ATP8A2: variants seen among roughly 807,000 people sequenced by gnomAD.
ATP8A2 encodes the protein ATPase phospholipid transporting 8A2.
Under a neutral mutation model 165.6 loss-of-function variants are expected in ATP8A2, and 100 were observed. The ratio of observed to expected loss-of-function variants is 0.60; its 90% confidence interval spans 0.51 to 0.71. The LOEUF is 0.71. Ranked by LOEUF, ATP8A2 falls within the 30% of genes least tolerant of loss-of-function variation. The pLI, the probability that ATP8A2 is intolerant of heterozygous loss-of-function variation, is 0.00. For synonymous variants in ATP8A2, 543 were observed against 548.8 expected (o/e 0.99, Z 0.15); for missense variants, 1,227 against 1,479.5 (o/e 0.83, Z 2.80).
chr13:25,731,294 G>C (rs558093937), intron 25 of ATP8A2, among the ~76,000 whole-genome samples: 2 of 136,566 alleles, frequency 1.5e-5, no homozygotes, highest in Non-Finnish European at 3.1e-5. Context: ...GAAAGAGAGA[G>C]AGAAAGAAAG....
At chr13:25,834,107 G>A (rs1412353360) in intron 28 of ATP8A2, among the ~76,000 whole-genome samples, 8 of 152,178 alleles carry the variant, frequency 5.3e-5, no homozygotes, top group Non-Finnish European at 1.2e-4. Flanking sequence ...CAAAAGACAT[G>A]AGTAGACATT....
chr13:25,423,641 C>A (rs182791462), intron 1 of ATP8A2, among the ~76,000 whole-genome samples: 47 of 152,296 alleles, frequency 3.1e-4, no homozygotes, highest in African/African-American at 1.1e-3. Flanking sequence ...GTTGTGCAAT[C>A]TAAAGGATGT....
intron 24 of ATP8A2, among the ~76,000 whole-genome samples, chr13:25,619,151 G>A (rs1460200212): frequency 2.0e-5 from 3 of 152,214 alleles, no homozygotes; most frequent in African/African-American, 7.2e-5. Context: ...AGCACCTTTT[G>A]TGGAGGCTTT....
intron 24 of ATP8A2, among the ~76,000 whole-genome samples, chr13:25,695,368 T>A (rs1015608646): frequency 1.3e-5 from 2 of 152,234 alleles, no homozygotes; most frequent in Non-Finnish European, 2.9e-5. Context: ...AAGGTGGTGG[T>A]TGCTGAAGGT....
In ATP8A2 at chr13:25,570,825, T is replaced by C; in HGVS notation, c.1532T>C (p.Val511Ala). The C allele has an allele frequency of 6.2e-7, 1 of 1,613,834 alleles. No individual in the cohort carries two copies. Among genetic ancestry groups the C allele is most frequent in the Non-Finnish European group, 8.5e-7 (1 of 1,179,752 alleles). ...CTTCTGGCCGTGTGCCACACGGTTG[T>C]TCCTGAGAAGGATGGAGATAACATC... ...LTLLAVCHTVVPEKDGDNIIY... is the reference protein window; with the variant it reads ...LTLLAVCHTVAPEKDGDNIIY... The change falls in exon 17 of 37, where the codon GTT (valine) becomes GCT (alanine). Residue 511 changes from valine (V) to alanine (A), a missense_variant. By Grantham distance (64) the Val-to-Ala change is moderately conservative (BLOSUM62 0). Coordinates refer to ENST00000381655, the MANE Select transcript of ATP8A2 (RefSeq NM_016529.6).
chr13:25,950,591 A>T (rs1447974230), intron 33 of ATP8A2: 2 of 152,216 alleles, frequency 1.3e-5, no homozygotes, highest in East Asian at 1.9e-4. Context: ...TGTTACCACC[A>T]ATTCAAACCA....
intron 24 of ATP8A2, among the ~76,000 whole-genome samples, chr13:25,671,102 C>G (rs981747766): frequency 2.0e-5 from 3 of 152,102 alleles, no homozygotes; most frequent in Admixed American, 2.0e-4. Context: ...TATTAGTTCC[C>G]CAAATTAATA....
At chr13:25,777,933 C>T (rs191239643) in intron 27 of ATP8A2, among the ~76,000 whole-genome samples, 57 of 152,306 alleles carry the variant, frequency 3.7e-4, no homozygotes, top group Admixed American at 4.6e-4. Flanking sequence ...TCTGTCCTGA[C>T]CTTTTTCTCT....
chr13:25,823,822 T>C (rs898916257), intron 27 of ATP8A2, among the ~76,000 whole-genome samples: 14 of 152,212 alleles, frequency 9.2e-5, no homozygotes, highest in Non-Finnish European at 1.5e-4. Flanking sequence ...TCTTCTGTTA[T>C]ATCTTTGAAC....
chr13:25,438,234 C>A (rs1191952454), intron 1 of ATP8A2, among the ~76,000 whole-genome samples: 1 of 152,066 alleles, frequency 6.6e-6, no homozygotes, highest in Non-Finnish European at 1.5e-5. Flanking sequence ...CTCTAAAAAC[C>A]GCCTTCTCTT....
chr13:25,545,281 A>G (rs573458328), intron 10 of ATP8A2, among the ~76,000 whole-genome samples: 3 of 152,168 alleles, frequency 2.0e-5, no homozygotes, highest in South Asian at 2.1e-4. Context: ...TATTTAGTGT[A>G]TCTGAAGTGT....
chr13:25,941,023 A>G (rs1397782383), intron 33 of ATP8A2, among the ~76,000 whole-genome samples: 1 of 152,166 alleles, frequency 6.6e-6, no homozygotes, highest in Non-Finnish European at 1.5e-5. Flanking sequence ...CTCCGGCCAC[A>G]TGGATCCATC....
chr13:25,879,538 C>G (rs907254960), intron 33 of ATP8A2, among the ~76,000 whole-genome samples: 3 of 152,330 alleles, frequency 2.0e-5, no homozygotes, highest in Non-Finnish European at 4.4e-5. Flanking sequence ...ACCACCTGAT[C>G]AAGACCCAAC....
At chr13:25,807,080 A>G (rs1950756804) in intron 27 of ATP8A2, among the ~76,000 whole-genome samples, 1 of 150,798 alleles carries the variant, frequency 6.6e-6, no homozygotes, top group South Asian at 2.1e-4. Context: ...ACAAATGCCA[A>G]ATCCTATATG....
At chr13:25,601,599 G>T in intron 24 of ATP8A2, among the ~76,000 whole-genome samples, 1 of 152,148 alleles carries the variant, frequency 6.6e-6, no homozygotes, top group Non-Finnish European at 1.5e-5. Flanking sequence ...CAAGTAGGTG[G>T]GACTACAGGC....
chr13:25,513,852 C>A (rs1018852497), intron 2 of ATP8A2, among the ~76,000 whole-genome samples: 5 of 152,154 alleles, frequency 3.3e-5, no homozygotes, highest in Admixed American at 6.5e-5. Flanking sequence ...AGGCACTTGG[C>A]AGGCTGAGGC....
chr13:25,792,368 T>C (rs143267223), intron 27 of ATP8A2, among the ~76,000 whole-genome samples: 34 of 152,338 alleles, frequency 2.2e-4, no homozygotes, highest in African/African-American at 6.7e-4. Flanking sequence ...GAAAACACTT[T>C]CTGCAGGTGG....
At chr13:25,945,449 C>T (rs1372403661) in intron 33 of ATP8A2, among the ~76,000 whole-genome samples, 2 of 152,136 alleles carry the variant, frequency 1.3e-5, no homozygotes, top group African/African-American at 4.8e-5. Context: ...AATTAGAAAG[C>T]ATTGTTTTAA....
rs374372593 is a variant in ATP8A2 at position 25,674,365 on chromosome 13, T to C, written c.2212-24808T>C. On this transcript the variant is annotated intron_variant, in intron 24 of 36. Transcript: ENST00000381655. The stretch of plus-strand genomic sequence containing the variant: ...GAAAGTGAGTGTGCAAAATAGGCTT[T>C]TCAATAAATTATGCATCCTTCAATA... Among the ~76,000 whole-genome samples the C allele has an allele frequency of 3.9e-5, 6 of 152,216 alleles. No individual in the cohort carries two copies. The South Asian group carries it at 1.2e-3, about 32-fold the overall frequency.
Sources: gnomAD v4.1 joint callset for allele counts (sites outside exome capture counted in the v4.1 genomes callset) on GRCh38, gnomAD v4.1.1 for gene constraint, MANE v1.5 for transcripts, NCBI Gene and HGNC (gene_info 2026-07-23, HGNC 2026-07-21) for gene names.